Variants in TMEM182 observed in about 807,000 individuals in gnomAD.
The protein encoded by TMEM182 is transmembrane protein 182.
A neutral mutation model predicts 26.8 loss-of-function variants in TMEM182; 20 were observed. The ratio of observed to expected loss-of-function variants is 0.75; its 90% confidence interval spans 0.53 to 1.09. The LOEUF is 1.09. Ranked by LOEUF, TMEM182 falls within the 50% of genes least tolerant of loss-of-function variation. The pLI is 0.00. For missense variants in TMEM182, 277 were observed against 275.5 expected, an observed-to-expected ratio of 1.01 and a Z score of -0.04; for synonymous variants, 109 against 102.2, an observed-to-expected ratio of 1.07 and a Z score of -0.40.
chr2:102,774,553 G>C (rs1416064351), intron 3 of TMEM182, among the ~76,000 whole-genome samples: 1 of 151,518 alleles, frequency 6.6e-6, no homozygotes, highest in Non-Finnish European at 1.5e-5. Flanking sequence ...CCATTCCTTA[G>C]GTCTTACAGA....
At chr2:102,803,984 G>A (rs894080450) in intron 4 of TMEM182, among the ~76,000 whole-genome samples, 6 of 152,132 alleles carry the variant, frequency 3.9e-5, no homozygotes, top group African/African-American at 1.4e-4. Flanking sequence ...GCATGCACAC[G>A]CAGCCCTGCT....
intron 1 of TMEM182, among the ~76,000 whole-genome samples, chr2:102,753,194 T>TCCC (rs1553436423): frequency 2.9e-5 from 4 of 138,172 alleles, no homozygotes; most frequent in African/African-American, 8.3e-5. Context: ...GTTTTAAGCT[T>TCCC]CCCCCCCCCA....
chr2:102,827,085 G>T (rs1054346166), intron 3 of TMEM182, among the ~76,000 whole-genome samples: 1 of 152,200 alleles, frequency 6.6e-6, no homozygotes, highest in Non-Finnish European at 1.5e-5. Flanking sequence ...CACGTAGCAT[G>T]CTGCCAGCCG....
Position 102,738,519 on chromosome 2 carries a change from G to C in TMEM182, c.-83+1506G>C, listed in dbSNP as rs193139461. On this transcript the variant is annotated intron_variant, in intron 1 of 5. Transcript: ENST00000409173. ...CTGAGGCAGGAGAGCTTGAACCCGG[G>C]AGGCAGAGGTTGCAGTGAGCTGAGA... Among the ~76,000 whole-genome samples the C allele has an allele frequency of 3.7e-4, 56 of 152,262 alleles. No homozygotes were observed. The East Asian group carries it at 9.8e-3, about 27-fold the overall frequency.
upstream of TMEM182, among the ~76,000 whole-genome samples, chr2:102,760,756 A>G (rs978766593): frequency 1.3e-5 from 2 of 152,090 alleles, no homozygotes; most frequent in African/African-American, 4.8e-5. Flanking sequence ...CTGGGATTAC[A>G]GGGGCCCGCC....
At chr2:102,813,700 A>G (rs886430524) in intron 4 of TMEM182, among the ~76,000 whole-genome samples, 2 of 152,148 alleles carry the variant, frequency 1.3e-5, no homozygotes, top group Non-Finnish European at 2.9e-5. Context: ...GGGAAAGGAC[A>G]TGCTTAGTGG....
At chr2:102,786,389 GT>G (rs1240582860) in intron 3 of TMEM182, among the ~76,000 whole-genome samples, 19 of 151,790 alleles carry the variant, frequency 1.3e-4, no homozygotes, top group African/African-American at 4.1e-4. Flanking sequence ...TAATTTTTGT[GT>G]TTTTAGAAGA....
chr2:102,823,019 C>T (rs1210467019), intron 3 of TMEM182, among the ~76,000 whole-genome samples: 1 of 152,166 alleles, frequency 6.6e-6, no homozygotes, highest in East Asian at 1.9e-4. Context: ...AATCAATAGT[C>T]TTCACTGCTC....
At chr2:102,782,142 C>T (rs943228500) in intron 3 of TMEM182, among the ~76,000 whole-genome samples, 4 of 151,972 alleles carry the variant, frequency 2.6e-5, no homozygotes, top group Non-Finnish European at 5.9e-5. Context: ...CCCATCTCTA[C>T]TAAAAATACA....
At chr2:102,789,492 C>G (rs900564439) in intron 3 of TMEM182, among the ~76,000 whole-genome samples, 1 of 152,076 alleles carries the variant, frequency 6.6e-6, no homozygotes, top group African/African-American at 2.4e-5. Context: ...AATGAAAACC[C>G]GTAGAGACGC....
chr2:102,796,262 C>G (rs1291821958), intron 3 of TMEM182, among the ~76,000 whole-genome samples: 1 of 152,224 alleles, frequency 6.6e-6, no homozygotes, highest in East Asian at 1.9e-4. Flanking sequence ...TCTGTTAAGA[C>G]TTGACTTTCC....
At chr2:102,776,482 C>CCATG (rs1680921864) in intron 3 of TMEM182, among the ~76,000 whole-genome samples, 1 of 152,128 alleles carries the variant, frequency 6.6e-6, no homozygotes, top group Admixed American at 6.5e-5. Context: ...CCATGTCTTT[C>CCATG]CATGGCATGA....
upstream of TMEM182, among the ~76,000 whole-genome samples, chr2:102,759,216 T>C (rs968640659): frequency 1.3e-5 from 2 of 152,190 alleles, no homozygotes; most frequent in African/African-American, 4.8e-5. Flanking sequence ...CCATAAACCA[T>C]TGAAATATAA....
intron 3 of TMEM182, among the ~76,000 whole-genome samples, chr2:102,778,238 T>A (rs1308816268): frequency 6.6e-6 from 1 of 152,008 alleles, no homozygotes; most frequent in Non-Finnish European, 1.5e-5. Context: ...CTTAGTAGAT[T>A]GAGCTTTTTA....
At chr2:102,823,482 C>T (rs1022750503) in intron 3 of TMEM182, among the ~76,000 whole-genome samples, 1 of 152,062 alleles carries the variant, frequency 6.6e-6, no homozygotes, top group African/African-American at 2.4e-5. Context: ...CAGGTGCCCA[C>T]CACCAAGCCC....
downstream of TMEM182, among the ~76,000 whole-genome samples, chr2:102,819,189 G>T (rs1250204554): frequency 2.0e-5 from 3 of 152,034 alleles, no homozygotes; most frequent in Non-Finnish European, 4.4e-5. Context: ...TCTAAAGAGA[G>T]ACTGCCACTG....
intron 3 of TMEM182, among the ~76,000 whole-genome samples, chr2:102,828,039 C>T (rs1376582098): frequency 2.0e-5 from 3 of 152,062 alleles, no homozygotes; most frequent in Non-Finnish European, 4.4e-5. Context: ...TGCAGTGAGC[C>T]GAGATCGTGC....
rs1453453489 is a variant in TMEM182 at position 102,748,312 on chromosome 2, C to T, written c.-82-10077C>T. Among the ~76,000 whole-genome samples, 4 of 152,242 alleles carry T rather than the reference C, an allele frequency of 2.6e-5. No homozygotes were observed. The South Asian group carries it at 8.3e-4, about 32-fold the overall frequency. On this transcript the variant is annotated intron_variant, in intron 1 of 5. Transcript: ENST00000409173. ...CTGGTTCTCTTGGCTCTGGGTCTATCTAGTCCTGTGAGTGGCCCTCTCACT... is the reference window on the plus strand; with the variant it reads ...CTGGTTCTCTTGGCTCTGGGTCTATTTAGTCCTGTGAGTGGCCCTCTCACT...
At chr2:102,756,910 T>C (rs1680056009) in intron 1 of TMEM182, among the ~76,000 whole-genome samples, 3 of 151,896 alleles carry the variant, frequency 2.0e-5, no homozygotes, top group Admixed American at 2.0e-4. Flanking sequence ...ACCTCCGGGG[T>C]TGAAGCAATT....
Sources: gnomAD v4.1 joint callset for allele counts (sites outside exome capture counted in the v4.1 genomes callset) on GRCh38, gnomAD v4.1.1 for gene constraint, MANE v1.5 for transcripts, NCBI Gene and HGNC (gene_info 2026-07-23, HGNC 2026-07-21) for gene names.